ZC3H14: variants seen among roughly 807,000 people sequenced by gnomAD.
ZC3H14 encodes the protein zinc finger CCCH-type containing 14.
A neutral mutation model predicts 92.4 loss-of-function variants in ZC3H14; 31 were observed. The observed-to-expected ratio is 0.34, with a 90% CI of 0.25 to 0.45. The LOEUF is 0.45. ZC3H14 is among the 20% of genes least tolerant of loss of function. ZC3H14 has a pLI of 1.00. For synonymous variants in ZC3H14, 321 were observed against 300.9 expected (o/e 1.07, Z -0.69); for missense variants, 781 against 897.3 (o/e 0.87, Z 1.66).
At chr14:88,595,394 A>G (rs1020419876) in intron 9 of ZC3H14, among the ~76,000 whole-genome samples, 5 of 152,210 alleles carry the variant, frequency 3.3e-5, no homozygotes, top group African/African-American at 9.6e-5. Context: ...GTGGTCTTTC[A>G]TGTGTCTTGT....
At position 88,609,813 on chromosome 14, in the gene ZC3H14, T is replaced by G; in HGVS notation, c.2097+10T>G. 1 of 1,612,130 alleles carries G rather than the reference T, an allele frequency of 6.2e-7. No homozygotes were observed. The highest frequency in any genetic ancestry group is 1.7e-4 in the Middle Eastern group (1 of 6,056). On this transcript the variant is annotated intron_variant, in intron 15 of 16. Coordinates refer to ENST00000251038, the MANE Select transcript of ZC3H14 (RefSeq NM_024824.5). ...CTTCTATCATCCAAAAGTAAGAACTTCTATTTTCTCAAATCAATTTAGTGA... is the reference window on the plus strand; with the variant it reads ...CTTCTATCATCCAAAAGTAAGAACTGCTATTTTCTCAAATCAATTTAGTGA...
rs142374840 is a variant in ZC3H14, at chr14:88,625,056, G to A, written c.*13305G>A. On this transcript the variant is annotated 3_prime_UTR_variant, in exon 17 of 17. Coordinates refer to ENST00000251038, the MANE Select transcript of ZC3H14 (RefSeq NM_024824.5). ...CAGGCCCGTTGTGAGCTCTCGCCAC[G>A]ATTCTACACAATATGTGATCTTTCC... 193 of 1,612,436 alleles carry A rather than the reference G, an allele frequency of 1.2e-4. No homozygotes were observed. The African/African-American group carries it at 1.8e-3, about 15-fold the overall frequency.
intron 8 of ZC3H14, among the ~76,000 whole-genome samples, chr14:88,576,282 T>A (rs956288853): frequency 6.6e-6 from 1 of 152,178 alleles, no homozygotes; most frequent in Non-Finnish European, 1.5e-5. Flanking sequence ...GAATTTACGA[T>A]GTGTAAAGGG....
intron 7 of ZC3H14, among the ~76,000 whole-genome samples, chr14:88,575,348 T>C (rs952877058): frequency 1.3e-5 from 2 of 151,994 alleles, no homozygotes; most frequent in Non-Finnish European, 2.9e-5. Flanking sequence ...TTGACTAATA[T>C]GGTGGGGTGA....
chr14:88,618,497 T>TG lies in ZC3H14; in HGVS notation c.*6751dup. On this transcript the variant is annotated 3_prime_UTR_variant, in exon 17 of 17. Transcript: ENST00000251038. ...TTAATAGGAGAAAAGCTCTGATAAG[T>TG]GGGGGAGGAAAGGGGAGCTGTAGGT... is the stretch of plus-strand genomic sequence containing the variant. 1.8e-6 allele frequency: 2 copies of TG among 1,092,820 alleles called. No homozygotes were observed. Among genetic ancestry groups the TG allele is most frequent in the South Asian group, 3.3e-5 (2 of 60,722 alleles). 67.7% of individuals were successfully genotyped at this position (1,092,820 alleles called of 1,614,324 possible). A position where few individuals can be genotyped will look rare whatever the true frequency, so the allele number is the denominator to read the frequency against.
rs781533241 is a variant in ZC3H14, at chr14:88,627,485, A to G, written c.*15734A>G. On this transcript the variant is annotated 3_prime_UTR_variant, in exon 17 of 17. Transcript: ENST00000251038. ...AGGTTACAGTTCCACTGGGCTTTTA[A>G]AGTGAAATATACCTACAGTACCACT... 1 of 627,832 alleles carries G rather than the reference A, an allele frequency of 1.6e-6. No homozygotes were observed. The highest frequency in any genetic ancestry group is 3.0e-5 in the East Asian group (1 of 33,870). The allele number at this position is 627,832 out of a possible 1,614,324, so 38.9% of individuals were successfully genotyped here.
In ZC3H14 at chr14:88,622,852, T is replaced by A; in HGVS notation, c.*11101T>A. 1 of 529,980 alleles carries A rather than the reference T, an allele frequency of 1.9e-6. No homozygotes were observed. Among genetic ancestry groups the A allele is most frequent in the East Asian group, 3.2e-5 (1 of 30,782 alleles). The allele number at this position is 529,980 out of a possible 1,614,324, so 32.8% of individuals were successfully genotyped here. ...GATATTTATAATTTACCTCTAATAT[T>A]CTTGTAAACTTTCTATGGCAATTTG... On this transcript the variant is annotated 3_prime_UTR_variant, in exon 17 of 17. Coordinates refer to ENST00000251038, the MANE Select transcript of ZC3H14 (RefSeq NM_024824.5).
At position 88,597,498 on chromosome 14, in the gene ZC3H14, C is replaced by T. The variant is rs377129342; in HGVS notation, c.1354+690C>T. 1.2e-4 allele frequency among the ~76,000 whole-genome samples: 18 copies of T among 152,290 alleles called. No individual in the cohort carries two copies. The South Asian group carries it at 3.7e-3, about 32-fold the overall frequency. ...TGTGGGAAGCTCTGGTCCCTAGACC[C>T]CTCTCAGTCAGGACTCCACAGTCAG... is the stretch of plus-strand genomic sequence containing the variant. On this transcript the variant is annotated intron_variant, in intron 10 of 16. Coordinates refer to ENST00000251038, the MANE Select transcript of ZC3H14 (RefSeq NM_024824.5).
chr14:88,598,075 C>T (rs1395739560), intron 10 of ZC3H14, among the ~76,000 whole-genome samples: 1 of 152,090 alleles, frequency 6.6e-6, no homozygotes, highest in Non-Finnish European at 1.5e-5. Flanking sequence ...CTCCCTGCTT[C>T]GTCTTGTTTT....
rs10147764 is a variant in ZC3H14 at position 88,570,644 on chromosome 14, G to A, written c.195-440G>A. ...ACTTACAAACAGGGTGACATATTTT[G>A]TAGACTAAGACTGGTCAGATGATAT... is the stretch of plus-strand genomic sequence containing the variant. On this transcript the variant is annotated intron_variant, in intron 3 of 16. Coordinates refer to ENST00000251038, the MANE Select transcript of ZC3H14 (RefSeq NM_024824.5). Among the ~76,000 whole-genome samples, 1,196 of 152,258 alleles carry A rather than the reference G, an allele frequency of 7.9e-3. 17 individuals are homozygous for A. Among genetic ancestry groups the A allele is most frequent in the African/African-American group, 0.027 (1,133 of 41,536 alleles).
Position 88,625,981 on chromosome 14 carries a change from A to G in ZC3H14, c.*14230A>G, listed in dbSNP as rs553437993. The G allele has an allele frequency of 1.3e-5, 2 of 152,166 alleles. No individual in the cohort carries two copies. The highest frequency in any genetic ancestry group is 2.9e-5 in the Non-Finnish European group (2 of 68,032). The allele number at this position is 152,166 out of a possible 1,614,324, so 9.4% of individuals were successfully genotyped here. On this transcript the variant is annotated 3_prime_UTR_variant, in exon 17 of 17. Coordinates refer to ENST00000251038, the MANE Select transcript of ZC3H14 (RefSeq NM_024824.5). Reference sequence around the variant, plus strand: ...CCACAGGTCCAGATGAGATGGAATAAAGTGAGAGGAGAGCAGGTCTCCTGA... The same window carrying G: ...CCACAGGTCCAGATGAGATGGAATAGAGTGAGAGGAGAGCAGGTCTCCTGA...
Position 88,626,649 on chromosome 14 carries a change from T to C in ZC3H14, c.*14898T>C, listed in dbSNP as rs2089987499. The C allele has an allele frequency of 1.5e-6, 1 of 645,930 alleles. No homozygotes were observed. The highest frequency in any genetic ancestry group is 3.0e-5 in the Admixed American group (1 of 33,352). 40.0% of individuals were successfully genotyped at this position (645,930 alleles called of 1,614,324 possible). On this transcript the variant is annotated 3_prime_UTR_variant, in exon 17 of 17. Transcript: ENST00000251038. Reference sequence around the variant, plus strand: ...AAAAAAAATCCTTTTCCCCCTCTCATTAACATTCTTTTCACTCCCTAATTT... The same window carrying C: ...AAAAAAAATCCTTTTCCCCCTCTCACTAACATTCTTTTCACTCCCTAATTT...
At position 88,574,818 on chromosome 14, in the gene ZC3H14, C is replaced by G. The variant is rs368785339; in HGVS notation, c.987C>G (p.Ser329=). 13 of 1,614,094 alleles carry G rather than the reference C, an allele frequency of 8.1e-6. No individual in the cohort carries two copies. Among genetic ancestry groups the G allele is most frequent in the Non-Finnish European group, 1.1e-5 (13 of 1,180,032 alleles). The part of the protein sequence containing the change: ...DDYGSRTGSI[S]SSVSVPAKPE... ...ACGGGTCTCGAACAGGAAGCATCTCCAGCAGTGTGTCTGTGCCTGCAAAGC... is the reference window on the plus strand; with the variant it reads ...ACGGGTCTCGAACAGGAAGCATCTCGAGCAGTGTGTCTGTGCCTGCAAAGC... Residue 329 remains serine (S), a synonymous_variant, in exon 7 of 17, where the codon TCC becomes TCG. Coordinates refer to ENST00000251038, the MANE Select transcript of ZC3H14 (RefSeq NM_024824.5).
chr14:88,596,879 T>G, intron 10 of ZC3H14, 71 bp downstream of exon 10: 1 of 1,277,028 alleles, frequency 7.8e-7, no homozygotes, highest in Non-Finnish European at 1.1e-6. Context: ...ACACCCCATT[T>G]AACGTATCTC....
At chr14:88,584,087 A>G (rs2082216239) in intron 9 of ZC3H14, among the ~76,000 whole-genome samples, 2 of 152,172 alleles carry the variant, frequency 1.3e-5, no homozygotes, top group Admixed American at 1.3e-4. Context: ...TTTTATCTCA[A>G]AGTCAGTTTT....
intron 2 of ZC3H14, chr14:88,567,745 AAT>A (rs1468585626): frequency 5.0e-6 from 2 of 396,584 alleles, no homozygotes; most frequent in Non-Finnish European, 9.6e-6. Flanking sequence ...CTTTGAAATT[AAT>A]AAGCATTATT....
At position 88,616,167 on chromosome 14, in the gene ZC3H14, C is replaced by T. The variant is rs376455326; in HGVS notation, c.*4416C>T. 3 of 1,613,812 alleles carry T rather than the reference C, an allele frequency of 1.9e-6. No homozygotes were observed. The highest frequency in any genetic ancestry group is 2.7e-5 in the African/African-American group (2 of 74,922). The stretch of plus-strand genomic sequence containing the variant: ...CTGCAGTCATCACCTCCAGCACTAA[C>T]AACATGTCGATCACCACTGGTAAAT... On this transcript the variant is annotated 3_prime_UTR_variant, in exon 17 of 17. Transcript: ENST00000251038.
chr14:88,614,465 C>T lies in ZC3H14; in HGVS notation c.*2714C>T, dbSNP rs1460265766. ...TTTAGTATTAACCAAGTATTAGACA[C>T]AGAAAATAGGTATTAAGAATCTTCA... On this transcript the variant is annotated 3_prime_UTR_variant, in exon 17 of 17. Transcript: ENST00000251038. 1 of 152,096 alleles carries T rather than the reference C, an allele frequency of 6.6e-6. No homozygotes were observed. Among genetic ancestry groups the T allele is most frequent in the Admixed American group, 6.5e-5 (1 of 15,272 alleles). 9.4% of individuals were successfully genotyped at this position (152,096 alleles called of 1,614,324 possible). A position where few individuals can be genotyped will look rare whatever the true frequency, so the allele number is the denominator to read the frequency against.
rs756149390 is a variant in ZC3H14 at position 88,621,885 on chromosome 14, A to C, written c.*10134A>C. 1 of 456,474 alleles carries C rather than the reference A, an allele frequency of 2.2e-6. No individual in the cohort carries two copies. The highest frequency in any genetic ancestry group is 4.4e-6 in the Non-Finnish European group (1 of 226,876). 28.3% of individuals were successfully genotyped at this position (456,474 alleles called of 1,614,324 possible). A position where few individuals can be genotyped will look rare whatever the true frequency, so the allele number is the denominator to read the frequency against. On this transcript the variant is annotated 3_prime_UTR_variant, in exon 17 of 17. Coordinates refer to ENST00000251038, the MANE Select transcript of ZC3H14 (RefSeq NM_024824.5). ...CATTTCTTTGTGATGGAAACTTTCA[A>C]AATCCTCTCTTGTAAATACCTGAAA...
Sources: allele counts gnomAD v4.1 joint callset (sites outside exome capture counted in the v4.1 genomes callset), GRCh38; gene constraint gnomAD v4.1.1; transcripts MANE v1.5; gene names NCBI Gene and HGNC (gene_info 2026-07-23, HGNC 2026-07-21).